ARHGEF12: variants seen among roughly 807,000 people sequenced by gnomAD.
The protein encoded by ARHGEF12 is Rho guanine nucleotide exchange factor 12.
Under a neutral mutation model 211.2 loss-of-function variants are expected in ARHGEF12, and 66 were observed. The ratio of observed to expected loss-of-function variants is 0.31; its 90% CI spans 0.26 to 0.38. The LOEUF is 0.38. Among genes scored for constraint, ARHGEF12 ranks in the 10% least tolerant of loss-of-function variants. The pLI is 1.00. For synonymous variants in ARHGEF12, 592 were observed against 638.4 expected (o/e 0.93, Z 1.09); for missense variants, 1,429 against 1,869.5 (o/e 0.76, Z 4.34).
chr11:120,467,223 T>G lies in ARHGEF12; in HGVS notation c.2769T>G (p.Arg923=), dbSNP rs1003768360. The change falls in exon 29 of 41, where the codon CGT becomes CGG. Residue 923 remains arginine, a synonymous_variant. Transcript: ENST00000397843. ...CTGAAAGTAATCCACTGTGTCGTCG[T>G]CTTCAACTGAAGGATATTATTCCCA... ...QDAESNPLCR[R]LQLKDIIPTQ... 4 of 1,613,278 alleles carry G rather than the reference T, an allele frequency of 2.5e-6. No individual in the cohort carries two copies. Among genetic ancestry groups the G allele is most frequent in the Non-Finnish European group, 2.5e-6 (3 of 1,179,580 alleles).
In ARHGEF12 at chr11:120,446,303, A is replaced by G. The variant is rs113699128; in HGVS notation, c.1346-100A>G. 48 of 714,242 alleles carry G rather than the reference A, an allele frequency of 6.7e-5. No individual in the cohort carries two copies. In the African/African-American group the frequency reaches 8.4e-4, roughly 12 times the overall value. The allele number at this position is 714,242 out of a possible 1,614,324, so 44.2% of individuals were successfully genotyped here. On this transcript the variant is annotated intron_variant, in intron 16 of 40. Coordinates refer to ENST00000397843, the MANE Select transcript of ARHGEF12 (RefSeq NM_015313.3). ...CTGCCCTGAAGAACTTCCCTCTGGC[A>G]TATTCTAAGTTAATTTGTACGAAGT...
At chr11:120,421,918 G>T in intron 6 of ARHGEF12, 66 bp downstream of exon 6, 1 of 1,258,238 alleles carries the variant, frequency 7.9e-7, no homozygotes, top group African/African-American at 1.5e-5. Context: ...GTCATATTCT[G>T]ATTTTTTTCA....
chr11:120,477,845 C>T lies in ARHGEF12; in HGVS notation c.3533-311C>T, dbSNP rs150581998. On this transcript the variant is annotated intron_variant, in intron 36 of 40. Coordinates refer to ENST00000397843, the MANE Select transcript of ARHGEF12 (RefSeq NM_015313.3). ...TCGTGCCATTGCACTCCAGCCTGGG[C>T]AACAAGACCGAAACACCAAAAAAAA... Among the ~76,000 whole-genome samples the T allele has an allele frequency of 7.8e-3, 905 of 115,616 alleles. 9 individuals carry two copies. The highest frequency in any genetic ancestry group is 0.031 in the African/African-American group (857 of 27,414). 75.8% of individuals were successfully genotyped at this position (115,616 alleles called of 152,430 possible). A position where few individuals can be genotyped will look rare whatever the true frequency, so the allele number is the denominator to read the frequency against.
chr11:120,442,649 A>C (rs1447440312), intron 15 of ARHGEF12, among the ~76,000 whole-genome samples: 5 of 152,154 alleles, frequency 3.3e-5, no homozygotes, highest in African/African-American at 9.7e-5. Flanking sequence ...TTTCACTTAC[A>C]CTGAAATAAA....
At chr11:120,345,328 CTTTGAGATTAG>C (rs1565415175) in intron 1 of ARHGEF12, among the ~76,000 whole-genome samples, 2 of 152,120 alleles carry the variant, frequency 1.3e-5, no homozygotes, top group Non-Finnish European at 2.9e-5. Context: ...TGAGAATTTC[CTTTGAGATTAG>C]TAACTGTACC....
chr11:120,364,253 A>C (rs1366761567), intron 1 of ARHGEF12, among the ~76,000 whole-genome samples: 2 of 152,194 alleles, frequency 1.3e-5, no homozygotes, highest in Non-Finnish European at 2.9e-5. Flanking sequence ...CCCTTAGCCC[A>C]TCCCATGCTG....
chr11:120,348,008 G>C (rs1789257534), intron 1 of ARHGEF12, among the ~76,000 whole-genome samples: 1 of 152,124 alleles, frequency 6.6e-6, no homozygotes, highest in Non-Finnish European at 1.5e-5. Context: ...TCCTTAACTA[G>C]CTTCTTTCAT....
rs765838589 is a variant in ARHGEF12, at chr11:120,484,465, T to C, written c.4582T>C (p.Cys1528Arg). Residue 1528 changes from cysteine to arginine, a missense_variant, in exon 40 of 41, where the codon TGC becomes CGC. Transcript: ENST00000397843. Reference sequence around the variant, plus strand: ...GGTGGAGGAAAGTTACACCATTCTTTGCCAAAGGCTGGCTGGATCAGCCCT... The same window carrying C: ...GGTGGAGGAAAGTTACACCATTCTTCGCCAAAGGCTGGCTGGATCAGCCCT... ...KKVEESYTIL[C>R]QRLAGSALTD... The C allele has an allele frequency of 1.2e-6, 2 of 1,614,180 alleles. No individual in the cohort carries two copies. Among genetic ancestry groups the C allele is most frequent in the Admixed American group, 1.7e-5 (1 of 60,024 alleles).
intron 19 of ARHGEF12, 22 bp downstream of exon 19, chr11:120,447,928 C>T: frequency 1.3e-6 from 2 of 1,529,144 alleles, no homozygotes; most frequent in South Asian, 1.2e-5. Context: ...GTTTTTTTTC[C>T]CCTAGAATTT....
Position 120,465,699 on chromosome 11 carries a change from C to T in ARHGEF12, c.2739+337C>T, listed in dbSNP as rs2135931112. Among the ~76,000 whole-genome samples the T allele has an allele frequency of 1.3e-5, 2 of 152,296 alleles. 1 individual carries two copies. The highest frequency in any genetic ancestry group is 3.9e-4 in the East Asian group (2 of 5,170). On this transcript the variant is annotated intron_variant, in intron 28 of 40. Coordinates refer to ENST00000397843, the MANE Select transcript of ARHGEF12 (RefSeq NM_015313.3). ...GCCAGGCTGGGCTCGAACACCTGAC[C>T]TCAAGTGATCTGCCCACCTCGGCCT...
At chr11:120,481,090 A>C (rs1457567189) in intron 38 of ARHGEF12, among the ~76,000 whole-genome samples, 170 bp from the exon 39 acceptor site, 1 of 152,238 alleles carries the variant, frequency 6.6e-6, no homozygotes, top group African/African-American at 2.4e-5. Context: ...TGCAGAGTTT[A>C]GCTTTCATCT....
intron 40 of ARHGEF12, 140 bp downstream of exon 40, chr11:120,484,647 G>C (rs778249106): frequency 1.3e-4 from 101 of 773,476 alleles, no homozygotes; most frequent in Non-Finnish European, 2.0e-4. Flanking sequence ...CTAAACATCA[G>C]ATATCAAGCG....
At chr11:120,431,941 CT>C in intron 11 of ARHGEF12, 30 bp downstream of exon 11, 1 of 1,546,544 alleles carries the variant, frequency 6.5e-7, no homozygotes, top group Non-Finnish European at 8.7e-7. Flanking sequence ...AATCTTTTTT[CT>C]TCTGTATTCT....
intron 1 of ARHGEF12, among the ~76,000 whole-genome samples, chr11:120,353,638 C>T (rs1943055245): frequency 6.6e-6 from 1 of 152,174 alleles, no homozygotes; most frequent in Non-Finnish European, 1.5e-5. Context: ...TTCTGGATGG[C>T]TCCAGCTACT....
intron 30 of ARHGEF12, among the ~76,000 whole-genome samples, chr11:120,470,625 G>A (rs1187753086): frequency 6.6e-6 from 1 of 152,194 alleles, no homozygotes; most frequent in African/African-American, 2.4e-5. Context: ...AGTTTCTTAG[G>A]AGCTGAGTAT....
intron 11 of ARHGEF12, among the ~76,000 whole-genome samples, chr11:120,433,925 T>G (rs1945620782): frequency 6.6e-6 from 1 of 151,976 alleles, no homozygotes; most frequent in Non-Finnish European, 1.5e-5. Flanking sequence ...GCCATTGCAC[T>G]CCAGCATGGG....
chr11:120,378,191 C>A (rs1215194130), intron 1 of ARHGEF12, among the ~76,000 whole-genome samples: 1 of 152,186 alleles, frequency 6.6e-6, no homozygotes, highest in Non-Finnish European at 1.5e-5. Context: ...TAGTATCAGT[C>A]TTTTTAATTT....
intron 1 of ARHGEF12, among the ~76,000 whole-genome samples, chr11:120,345,357 T>G (rs1942671937): frequency 1.3e-5 from 2 of 152,174 alleles, no homozygotes; most frequent in African/African-American, 2.4e-5. Flanking sequence ...ACCATCCATA[T>G]ACAAAACACT....
chr11:120,436,839 C>T (rs1945709946), intron 11 of ARHGEF12, among the ~76,000 whole-genome samples: 1 of 152,114 alleles, frequency 6.6e-6, no homozygotes. Flanking sequence ...AGGTATTATA[C>T]AATACCATAT....
Sources: allele counts gnomAD v4.1 joint callset (sites outside exome capture counted in the v4.1 genomes callset), GRCh38; gene constraint gnomAD v4.1.1; transcripts MANE v1.5; gene names NCBI Gene and HGNC (gene_info 2026-07-23, HGNC 2026-07-21).